FAM184B: variants seen among roughly 807,000 people sequenced by gnomAD.
FAM184B encodes protein FAM184B.
Under a neutral mutation model 135.9 loss-of-function variants are expected in FAM184B, and 111 were observed. The ratio of observed to expected loss-of-function variants is 0.82; its 90% CI spans 0.70 to 0.96. FAM184B has a LOEUF of 0.96. FAM184B is among the 40% of genes least tolerant of loss of function. FAM184B has a pLI of 0.00. For missense variants in FAM184B, 1,375 were observed against 1,323.9 expected, an observed-to-expected ratio of 1.04 and a Z score of -0.60; for synonymous variants, 552 against 524.8, an observed-to-expected ratio of 1.05 and a Z score of -0.71.
At chr4:17,636,292 G>A (rs541379985) in intron 15 of FAM184B, among the ~76,000 whole-genome samples, 1 of 152,256 alleles carries the variant, frequency 6.6e-6, no homozygotes, top group South Asian at 2.1e-4. Flanking sequence ...TTTTAGTAGA[G>A]ACAGGGTTTC....
At chr4:17,733,892 C>A (rs944020407) in intron 1 of FAM184B, among the ~76,000 whole-genome samples, 1 of 152,154 alleles carries the variant, frequency 6.6e-6, no homozygotes, top group Non-Finnish European at 1.5e-5. Flanking sequence ...GCCAAAAGAA[C>A]AAAGCTGGAG....
chr4:17,705,654 G>C, intron 4 of FAM184B, 98 bp downstream of exon 4: 2 of 1,386,348 alleles, frequency 1.4e-6, no homozygotes, highest in Non-Finnish European at 1.9e-6. Context: ...ATTCCAAGTG[G>C]ATCCACTATG....
At chr4:17,635,688 A>AC (rs1553827065) in intron 15 of FAM184B, among the ~76,000 whole-genome samples, 12 of 149,770 alleles carry the variant, frequency 8.0e-5, no homozygotes, top group Middle Eastern at 3.2e-3. Context: ...AAAAAAAAAA[A>AC]CCCATGATAC....
At chr4:17,643,547 C>A (rs1021907674) in intron 12 of FAM184B, among the ~76,000 whole-genome samples, 1 of 152,148 alleles carries the variant, frequency 6.6e-6, no homozygotes, top group African/African-American at 2.4e-5. Context: ...TGTCTCCATC[C>A]CACATTTCCC....
chr4:17,646,845 A>C (rs2108933776), intron 12 of FAM184B, among the ~76,000 whole-genome samples: 1 of 152,266 alleles, frequency 6.6e-6, no homozygotes, highest in South Asian at 2.1e-4. Context: ...CCACCCAGCT[A>C]GACCAGGAAT....
intron 11 of FAM184B, 76 bp from the exon 12 acceptor site, chr4:17,647,867 G>A: frequency 6.9e-7 from 1 of 1,456,460 alleles, no homozygotes; most frequent in Non-Finnish European, 9.2e-7. Flanking sequence ...AACAGTCTCT[G>A]GGGTGGGGTT....
Position 17,743,948 on chromosome 4 carries a change from G to A in FAM184B, c.142-34304C>T, listed in dbSNP as rs1718101085. Among the ~76,000 whole-genome samples the A allele has an allele frequency of 2.0e-5, 3 of 152,286 alleles. No homozygotes were observed. The South Asian group carries it at 6.2e-4, about 32-fold the overall frequency. The stretch of plus-strand genomic sequence containing the variant: ...GGCCCAGCTGAGTTCTCATCTGAAG[G>A]CTCTGGGGAAAAGTCCGTTTCCAAG... On this transcript the variant is annotated intron_variant, in intron 1 of 17. Coordinates refer to ENST00000265018, the MANE Select transcript of FAM184B (RefSeq NM_015688.2).
rs949673366 is a variant in FAM184B, at chr4:17,632,401, AT to A, written c.*130del. On this transcript the variant is annotated 3_prime_UTR_variant, in exon 18 of 18. Coordinates refer to ENST00000265018, the MANE Select transcript of FAM184B (RefSeq NM_015688.2). ...AACAGTATGAAGTGTTAACGCCAAA[AT>A]TTGTTTTAGCTATCATATATAAATC... 1 of 723,826 alleles carries A rather than the reference AT, an allele frequency of 1.4e-6. No homozygotes were observed. The highest frequency in any genetic ancestry group is 1.8e-5 in the African/African-American group (1 of 55,814). 44.8% of individuals were successfully genotyped at this position (723,826 alleles called of 1,614,324 possible).
rs71167333 is a variant in FAM184B, at chr4:17,747,920, CAAAAAAAAAAAAAA to C, written c.141+33225_141+33238del. Among the ~76,000 whole-genome samples, 3 of 21,704 alleles carry C rather than the reference CAAAAAAAAAAAAAA, an allele frequency of 1.4e-4. 1 individual carries two copies. The highest frequency in any genetic ancestry group is 5.8e-4 in the African/African-American group (3 of 5,160). 14.2% of individuals were successfully genotyped at this position (21,704 alleles called of 152,430 possible). A position where few individuals can be genotyped will look rare whatever the true frequency, so the allele number is the denominator to read the frequency against. On this transcript the variant is annotated intron_variant, in intron 1 of 17. Transcript: ENST00000265018. ...TGGGCGACAGAGCGAGACTCTGTCT[CAAAAAAAAAAAAAA>C]AAAAAAAAAAAAAATTCAAAAATTA...
In FAM184B at chr4:17,688,584, G is replaced by A. The variant is rs527818658; in HGVS notation, c.1489-53C>T. The A allele has an allele frequency of 4.0e-5, 53 of 1,313,066 alleles. 2 individuals are homozygous for A. In the South Asian group the frequency reaches 4.2e-4, roughly 10 times the overall value. 81.3% of individuals were successfully genotyped at this position (1,313,066 alleles called of 1,614,324 possible). ...CAATGAAACCAGGTTCTACCTCCTC[G>A]ATACAGTCATTCATCCGGGAATCAA... On this transcript the variant is annotated intron_variant, in intron 6 of 17. Transcript: ENST00000265018.
At chr4:17,716,454 C>T (rs942979521) in intron 1 of FAM184B, among the ~76,000 whole-genome samples, 1 of 151,512 alleles carries the variant, frequency 6.6e-6, no homozygotes, top group African/African-American at 2.4e-5. Context: ...GTGATCCTCC[C>T]ACCTCAGCCT....
At chr4:17,647,557 C>T (rs1312337053) in intron 12 of FAM184B, 80 bp downstream of exon 12, 4 of 1,469,294 alleles carry the variant, frequency 2.7e-6, no homozygotes, top group Middle Eastern at 2.5e-4. Flanking sequence ...CCTCAGAGCC[C>T]ATCCTTTATG....
chr4:17,760,281 T>C (rs886477198), intron 1 of FAM184B, among the ~76,000 whole-genome samples: 1 of 151,992 alleles, frequency 6.6e-6, no homozygotes, highest in Non-Finnish European at 1.5e-5. Flanking sequence ...CTGGCCAACA[T>C]GGTGAAAACC....
intron 10 of FAM184B, among the ~76,000 whole-genome samples, chr4:17,653,770 G>A (rs1226865322): frequency 6.6e-6 from 1 of 151,622 alleles, no homozygotes; most frequent in Admixed American, 6.6e-5. Context: ...TACCTTACAT[G>A]GTCAAAGGGA....
At chr4:17,755,487 G>A (rs1238830200) in intron 1 of FAM184B, among the ~76,000 whole-genome samples, 1 of 152,230 alleles carries the variant, frequency 6.6e-6, no homozygotes, top group Admixed American at 6.5e-5. Context: ...AACCATTGTG[G>A]AAGACAGCGT....
chr4:17,706,316 A>C (rs1717117441), intron 3 of FAM184B, among the ~76,000 whole-genome samples: 1 of 152,050 alleles, frequency 6.6e-6, no homozygotes, highest in East Asian at 1.9e-4. Flanking sequence ...GAAACCCACA[A>C]CACCTTTCTG....
At chr4:17,780,232 G>C (rs1449060105) in intron 1 of FAM184B, among the ~76,000 whole-genome samples, 1 of 152,210 alleles carries the variant, frequency 6.6e-6, no homozygotes, top group Non-Finnish European at 1.5e-5. Flanking sequence ...GAGGGAGATG[G>C]TGAGGAAAGA....
In FAM184B at chr4:17,639,331, C is replaced by T. The variant is rs1213047768; in HGVS notation, c.2585G>A (p.Arg862Gln). The T allele has an allele frequency of 1.9e-5, 29 of 1,551,764 alleles. No individual in the cohort carries two copies. In the Middle Eastern group the frequency reaches 6.7e-4, roughly 36 times the overall value. ...TGCCACCATGGCCTGCATCTCCTTC[C>T]GGTGTTCCTGGCGCAGTGTCTCCAC... ...REVETLRQEH[R>Q]KEMQAMVADF... Residue 862 changes from arginine to glutamine, a missense_variant, in exon 14 of 18, where the codon CGG becomes CAG. Coordinates refer to ENST00000265018, the MANE Select transcript of FAM184B (RefSeq NM_015688.2).
rs1715654440 is a variant in FAM184B at position 17,652,724 on chromosome 4, T to C, written c.2191+106A>G. 6 of 1,328,706 alleles carry C rather than the reference T, an allele frequency of 4.5e-6. 1 individual carries two copies. The South Asian group carries it at 8.8e-5, about 20-fold the overall frequency. 82.3% of individuals were successfully genotyped at this position (1,328,706 alleles called of 1,614,324 possible). ...GCCTGAGATTCCCGGAGCCGTGGCC[T>C]GTGAGCCCGAGAACCCTGGAGCCCT... On this transcript the variant is annotated intron_variant, in intron 11 of 17. Transcript: ENST00000265018.
Sources: allele counts gnomAD v4.1 joint callset (sites outside exome capture counted in the v4.1 genomes callset), GRCh38; gene constraint gnomAD v4.1.1; transcripts MANE v1.5; gene names NCBI Gene and HGNC (gene_info 2026-07-23, HGNC 2026-07-21).